KLHDC10: variants seen among roughly 807,000 people sequenced by gnomAD.
The protein encoded by KLHDC10 is kelch domain-containing protein 10.
KLHDC10 carries 24 observed loss-of-function variants against 56.1 expected under a neutral mutation model. That is an observed-to-expected ratio of 0.43 (90% confidence interval 0.31 to 0.60). The LOEUF (loss-of-function observed/expected upper bound fraction) is 0.60, where lower values mean the gene tolerates loss of function less well. Among genes scored for constraint, KLHDC10 ranks in the 20% least tolerant of loss-of-function variants. The pLI, the probability that KLHDC10 is intolerant of heterozygous loss-of-function variation, is 0.11. For synonymous variants in KLHDC10, 188 were observed against 207.1 expected (o/e 0.91, Z 0.79); for missense variants, 349 against 567.0 (o/e 0.62, Z 3.91).
At chr7:130,125,112 C>CT (rs1796297411) in intron 6 of KLHDC10, among the ~76,000 whole-genome samples, 1 of 152,162 alleles carries the variant, frequency 6.6e-6, no homozygotes, top group Non-Finnish European at 1.5e-5. Context: ...CAAACACTTG[C>CT]TTTTTTCTAT....
rs544311582 is a variant in KLHDC10 at position 130,116,590 on chromosome 7, G to T, written c.399G>T (p.Arg133Ser). ...EDYPLFRELW[R>S]YHFATGVWHQ... ...ATCCTCTCTTCAGGGAACTCTGGAG[G>T]TATCATTTTGCTACAGGAGTATGGC... Residue 133 changes from arginine (R) to serine (S), a missense_variant, in exon 3 of 10, where the codon AGG becomes AGT. Transcript: ENST00000335420. The surrounding 1 kb of genome is among the most constrained non-coding windows in gnomAD (Gnocchi z 4.8). 1 of 1,614,012 alleles carries T rather than the reference G, an allele frequency of 6.2e-7. No individual in the cohort carries two copies. The highest frequency in any genetic ancestry group is 8.5e-7 in the Non-Finnish European group (1 of 1,180,028).
chr7:130,078,663 C>T (rs548832367), intron 1 of KLHDC10, among the ~76,000 whole-genome samples: 43 of 152,086 alleles, frequency 2.8e-4, no homozygotes, highest in East Asian at 9.9e-4. Context: ...AGACGACAGG[C>T]GCGTGCCACT....
intron 1 of KLHDC10, among the ~76,000 whole-genome samples, chr7:130,079,085 T>C (rs1795560421): frequency 6.6e-6 from 1 of 152,060 alleles, no homozygotes; most frequent in South Asian, 2.1e-4. Context: ...TGAGGCAGAG[T>C]CTCACTCTGT....
intron 8 of KLHDC10, among the ~76,000 whole-genome samples, chr7:130,128,887 AAAATAT>A (rs1563107601): frequency 1.5e-5 from 1 of 68,282 alleles, no homozygotes; most frequent in South Asian, 4.6e-4. Flanking sequence ...AAAAAAAAAA[AAAATAT>A]ATATATATAT....
At chr7:130,074,843 T>C (rs1795475904) in intron 1 of KLHDC10, among the ~76,000 whole-genome samples, 1 of 152,130 alleles carries the variant, frequency 6.6e-6, no homozygotes, top group Non-Finnish European at 1.5e-5. Context: ...ACTCCTGATC[T>C]TGTGATCCAC....
At chr7:130,111,519 G>A (rs1473341147) in intron 2 of KLHDC10, among the ~76,000 whole-genome samples, 1 of 151,984 alleles carries the variant, frequency 6.6e-6, no homozygotes, top group Non-Finnish European at 1.5e-5. Context: ...GACCAGCCTG[G>A]GCAACATAAT....
intron 1 of KLHDC10, among the ~76,000 whole-genome samples, chr7:130,091,299 T>C (rs1230102903): frequency 6.6e-6 from 1 of 152,206 alleles, no homozygotes; most frequent in African/African-American, 2.4e-5. Flanking sequence ...TTTACATTCC[T>C]CCCAGCAAAG....
At position 130,131,775 on chromosome 7, in the gene KLHDC10, C is replaced by G. The variant is rs1180573464; in HGVS notation, c.*1029C>G. The G allele has an allele frequency of 6.6e-6, 1 of 152,184 alleles. No homozygotes were observed. Among genetic ancestry groups the G allele is most frequent in the African/African-American group, 2.4e-5 (1 of 41,444 alleles). 9.4% of individuals were successfully genotyped at this position (152,184 alleles called of 1,614,324 possible). ...CTTTGGCTATCATCTTGGCCATTTC[C>G]TTTTGAGAACTTGTTTCTTTTCTAA... On this transcript the variant is annotated 3_prime_UTR_variant, in exon 10 of 10. Coordinates refer to ENST00000335420, the MANE Select transcript of KLHDC10 (RefSeq NM_014997.4).
intron 1 of KLHDC10, among the ~76,000 whole-genome samples, chr7:130,081,762 T>C (rs1795610846): frequency 6.6e-6 from 1 of 152,278 alleles, no homozygotes; most frequent in African/African-American, 2.4e-5. Context: ...TCTATTAATA[T>C]GTCCCTTACT....
At chr7:130,093,962 C>T (rs536858264) in intron 1 of KLHDC10, among the ~76,000 whole-genome samples, 32 of 152,248 alleles carry the variant, frequency 2.1e-4, no homozygotes, top group African/African-American at 7.5e-4. Flanking sequence ...CTCACTCTGT[C>T]GCCCAGAGTG....
In KLHDC10 at chr7:130,120,910, A is replaced by G; in HGVS notation, c.630+7A>G. ...CAGTCGTATATATGGACAGGTACCA[A>G]TCTGTGGCCAGTCATGGTGTATTTG... On this transcript the variant is annotated splice_region_variant and intron_variant, in intron 4 of 9. Transcript: ENST00000335420. The surrounding 1 kb of genome is among the most constrained non-coding windows in gnomAD (Gnocchi z 5.1). The G allele has an allele frequency of 6.2e-7, 1 of 1,613,390 alleles. No homozygotes were observed. Among genetic ancestry groups the G allele is most frequent in the Non-Finnish European group, 8.5e-7 (1 of 1,179,564 alleles).
At chr7:130,073,394 C>G (rs761282198) in intron 1 of KLHDC10, among the ~76,000 whole-genome samples, 1 of 150,142 alleles carries the variant, frequency 6.7e-6, no homozygotes, top group Non-Finnish European at 1.5e-5. Context: ...CTCCCGAACT[C>G]TAGCAATTCT....
intron 2 of KLHDC10, among the ~76,000 whole-genome samples, chr7:130,106,248 A>G (rs1796006867): frequency 1.3e-5 from 2 of 152,224 alleles, no homozygotes; most frequent in African/African-American, 4.8e-5. Context: ...TTAAAAAGCA[A>G]AGATCCTGCC....
At chr7:130,090,354 G>A (rs992542538) in intron 1 of KLHDC10, among the ~76,000 whole-genome samples, 1 of 151,968 alleles carries the variant, frequency 6.6e-6, no homozygotes, top group African/African-American at 2.4e-5. Context: ...TTGGGAGACC[G>A]AGGTGGGCAA....
At chr7:130,111,540 C>G (rs1796101616) in intron 2 of KLHDC10, among the ~76,000 whole-genome samples, 1 of 152,020 alleles carries the variant, frequency 6.6e-6, no homozygotes, top group African/African-American at 2.4e-5. Context: ...GATGCCTCAT[C>G]TCTACAAAAA....
intron 8 of KLHDC10, among the ~76,000 whole-genome samples, chr7:130,128,113 C>G (rs1796337120): frequency 6.6e-6 from 1 of 152,216 alleles, no homozygotes; most frequent in Non-Finnish European, 1.5e-5. Context: ...TCAGATACAA[C>G]TAGGATTATT....
At chr7:130,105,281 T>C (rs1033026901) in intron 2 of KLHDC10, among the ~76,000 whole-genome samples, 4 of 152,234 alleles carry the variant, frequency 2.6e-5, no homozygotes, top group African/African-American at 9.6e-5. Flanking sequence ...TGTGAGCCCC[T>C]GTGCACTTGC....
intron 3 of KLHDC10, among the ~76,000 whole-genome samples, chr7:130,117,173 T>G (rs536148088): frequency 6.6e-6 from 1 of 152,340 alleles, no homozygotes; most frequent in South Asian, 2.1e-4. Context: ...TTAAAAATAC[T>G]TTATTGCTAA....
Position 130,109,671 on chromosome 7 carries a change from CT to C in KLHDC10, c.254-6773del, listed in dbSNP as rs576422938. ...TTGTTTGTTTTGAGACGGAGTCTCA[CT>C]CTGTTGCCCAGGCTGGAGTGCAGTG... On this transcript the variant is annotated intron_variant, in intron 2 of 9. Transcript: ENST00000335420. Among the ~76,000 whole-genome samples, 9 of 151,972 alleles carry C rather than the reference CT, an allele frequency of 5.9e-5. No individual in the cohort carries two copies. In the South Asian group the frequency reaches 1.9e-3, roughly 32 times the overall value.
Sources: gnomAD v4.1 joint callset for allele counts (sites outside exome capture counted in the v4.1 genomes callset) on GRCh38, gnomAD v4.1.1 for gene constraint, Gnocchi (gnomAD v3.1) non-coding constraint, MANE v1.5 for transcripts, NCBI Gene and HGNC (gene_info 2026-07-23, HGNC 2026-07-21) for gene names.